Variants in RARA observed in about 807,000 individuals in gnomAD.
RARA encodes retinoic acid receptor alpha, also known as PML-DDX5-RARA fusion.
RARA carries 5 observed loss-of-function variants against 42.8 expected under a neutral mutation model. That is an observed-to-expected ratio of 0.12 (90% CI 0.06 to 0.25). The LOEUF (loss-of-function observed/expected upper bound fraction) is 0.25. RARA is among the 10% of genes least tolerant of loss of function. The pLI is 1.00. For missense variants in RARA, 402 were observed against 628.7 expected (o/e 0.64, Z 3.86); for synonymous variants, 256 against 259.5 (o/e 0.99, Z 0.13).
intron 1 of RARA, among the ~76,000 whole-genome samples, chr17:40,327,402 A>C (rs1465202690): frequency 6.6e-6 from 1 of 152,104 alleles, no homozygotes; most frequent in African/African-American, 2.4e-5. Flanking sequence ...TGTGGATGTG[A>C]ATTCACCTGA....
intron 2 of RARA, chr17:40,342,583 C>T (rs2034104534): frequency 1.2e-5 from 17 of 1,397,736 alleles, no homozygotes; most frequent in Non-Finnish European, 1.6e-5. Context: ...CCCGGGTCAC[C>T]AGTCGGGGCG....
At chr17:40,318,525 G>A (rs2143180197) in intron 1 of RARA, 1 of 152,382 alleles carries the variant, frequency 6.6e-6, no homozygotes, top group Admixed American at 6.5e-5. Context: ...CCCCAGATTG[G>A]TGCTGCGGGA....
chr17:40,316,991 C>T lies in RARA; in HGVS notation c.-363+7705C>T, dbSNP rs185384142. 2.6e-4 allele frequency among the ~76,000 whole-genome samples: 39 copies of T among 152,384 alleles called. No individual in the cohort carries two copies. In the East Asian group the frequency reaches 7.5e-3, roughly 29 times the overall value. ...GTCCCGCCATCCTGGCTTGTCCTAC[C>T]TTACCATGGCTCTTGGGCTAAAGCC... On this transcript the variant is annotated intron_variant, in intron 1 of 8. Transcript: ENST00000254066.
intron 2 of RARA, among the ~76,000 whole-genome samples, chr17:40,347,145 A>C (rs2034293954): frequency 6.6e-6 from 1 of 152,140 alleles, no homozygotes; most frequent in Admixed American, 6.5e-5. Flanking sequence ...GCACCTTTAA[A>C]TGCCAGCCAG....
At chr17:40,336,144 C>G (rs1277879121) in intron 2 of RARA, among the ~76,000 whole-genome samples, 2 of 152,122 alleles carry the variant, frequency 1.3e-5, no homozygotes, top group Non-Finnish European at 2.9e-5. Context: ...GGTGCAATCT[C>G]TCAGCTCACT....
Position 40,320,173 on chromosome 17 carries a change from G to T in RARA, c.-362-10684G>T, listed in dbSNP as rs1274854727. On this transcript the variant is annotated intron_variant, in intron 1 of 8. Coordinates refer to ENST00000254066, the MANE Select transcript of RARA (RefSeq NM_000964.4). This position sits in a 1 kb window ranked among gnomAD's most constrained non-coding sequence, Gnocchi z 4.1. ...CGACGGTGGCACAGATGCAGTGGCA[G>T]TTCTGAGAAGATCCTGGGGTTGAAA... Among the ~76,000 whole-genome samples, 1 of 152,118 alleles carries T rather than the reference G, an allele frequency of 6.6e-6. No homozygotes were observed. Among genetic ancestry groups the T allele is most frequent in the African/African-American group, 2.4e-5 (1 of 41,402 alleles).
chr17:40,327,033 G>C (rs1178804860), intron 1 of RARA, among the ~76,000 whole-genome samples: 1 of 152,192 alleles, frequency 6.6e-6, no homozygotes, highest in African/African-American at 2.4e-5. Flanking sequence ...TGCAGGCAGA[G>C]CTGGGTTAGG....
intron 2 of RARA, among the ~76,000 whole-genome samples, chr17:40,340,640 C>T (rs1245440127): frequency 6.6e-6 from 1 of 152,102 alleles, no homozygotes; most frequent in African/African-American, 2.4e-5. Context: ...TGAGTTCTTC[C>T]CTAATTTAGT....
At chr17:40,338,706 C>CAAAA (rs34668171) in intron 2 of RARA, among the ~76,000 whole-genome samples, 4 of 52,404 alleles carry the variant, frequency 7.6e-5, no homozygotes, top group Non-Finnish European at 1.6e-4. Flanking sequence ...GACTTGGACT[C>CAAAA]AAAAAAAAAA....
intron 2 of RARA, 59 bp from the exon 3 acceptor site, chr17:40,348,257 C>T (rs2034331621): frequency 1.3e-6 from 2 of 1,482,718 alleles, no homozygotes; most frequent in Middle Eastern, 1.8e-4. Flanking sequence ...CAGGGTGGAG[C>T]TTGGTACTAA....
At chr17:40,348,274 C>T (rs202213577) in intron 2 of RARA, 42 bp from the exon 3 acceptor site, 209 of 1,508,646 alleles carry the variant, frequency 1.4e-4, no homozygotes, top group Non-Finnish European at 1.7e-4. Flanking sequence ...CTAAGGATGG[C>T]GACCTAGGTC....
In RARA at chr17:40,342,373, C is replaced by T. The variant is rs1019371658; in HGVS notation, c.179-5943C>T. ...CCTGCGGACTTGGGGAGCCGCTGTA[C>T]TCTGCCTCGGACGCCACGAGACTCT... On this transcript the variant is annotated intron_variant, in intron 2 of 8. Coordinates refer to ENST00000254066, the MANE Select transcript of RARA (RefSeq NM_000964.4). The T allele has an allele frequency of 2.1e-5, 23 of 1,102,716 alleles. No individual in the cohort carries two copies. The African/African-American group carries it at 3.2e-4, about 16-fold the overall frequency. 68.3% of individuals were successfully genotyped at this position (1,102,716 alleles called of 1,614,324 possible).
At chr17:40,339,481 C>G (rs999112309) in intron 2 of RARA, among the ~76,000 whole-genome samples, 4 of 152,218 alleles carry the variant, frequency 2.6e-5, no homozygotes, top group African/African-American at 9.6e-5. Context: ...CCCACTTCTC[C>G]CACTGCCCCA....
At chr17:40,344,669 T>C (rs768204758) in intron 2 of RARA, among the ~76,000 whole-genome samples, 7 of 152,212 alleles carry the variant, frequency 4.6e-5, no homozygotes, top group Non-Finnish European at 1.0e-4. Context: ...ACATCCATTC[T>C]GGGGTGGGGT....
intron 2 of RARA, among the ~76,000 whole-genome samples, chr17:40,346,769 G>A (rs1444688822): frequency 6.6e-6 from 1 of 152,204 alleles, no homozygotes; most frequent in Non-Finnish European, 1.5e-5. Context: ...CGGCGGTGGG[G>A]AGGTCAGGAG....
chr17:40,342,812 C>T, intron 2 of RARA: 2 of 1,613,082 alleles, frequency 1.2e-6, no homozygotes, highest in Non-Finnish European at 1.7e-6. Context: ...GGCTCCCCGC[C>T]CCGGGTCCGT....
intron 1 of RARA, among the ~76,000 whole-genome samples, chr17:40,312,235 T>C (rs564464355): frequency 1.3e-5 from 2 of 152,348 alleles, no homozygotes; most frequent in African/African-American, 4.8e-5. Context: ...GGTTTCCCTC[T>C]AGACCGCTTG....
chr17:40,321,882 C>A (rs1271035707), intron 1 of RARA, among the ~76,000 whole-genome samples: 2 of 152,170 alleles, frequency 1.3e-5, no homozygotes, highest in African/African-American at 4.8e-5. Flanking sequence ...TTCCCCTTCG[C>A]CACTCCAAGT....
At chr17:40,348,705 A>C in intron 3 of RARA, 1 of 407,146 alleles carries the variant, frequency 2.5e-6, no homozygotes, top group Non-Finnish European at 4.3e-6. Context: ...CCCTGTCTCT[A>C]TCCTCCAGCT....
Sources: allele counts gnomAD v4.1 joint callset (sites outside exome capture counted in the v4.1 genomes callset), GRCh38; gene constraint gnomAD v4.1.1; non-coding constraint Gnocchi (gnomAD v3.1); transcripts MANE v1.5; gene names NCBI Gene and HGNC (gene_info 2026-07-23, HGNC 2026-07-21).